Variants in NEK7 observed in about 807,000 individuals in gnomAD.
NEK7 encodes NIMA related kinase 7.
In NEK7, 18 loss-of-function variants were observed where a neutral mutation model predicts 44.6. The ratio of observed to expected loss-of-function variants is 0.40; its 90% CI spans 0.28 to 0.60. The LOEUF (loss-of-function observed/expected upper bound fraction) is 0.60. NEK7 is among the 20% of genes least tolerant of loss of function. The pLI is 0.38. For synonymous variants in NEK7, 130 were observed against 121.1 expected (o/e 1.07, Z -0.48); for missense variants, 256 against 366.5 (o/e 0.70, Z 2.46).
intron 1 of NEK7, among the ~76,000 whole-genome samples, chr1:198,204,725 A>G (rs1665541938): frequency 6.6e-6 from 1 of 151,698 alleles, no homozygotes; most frequent in South Asian, 2.1e-4. Context: ...CTCAAAAAAA[A>G]AAAAAAAAAA....
At chr1:198,191,270 A>G (rs1665064532) in intron 1 of NEK7, among the ~76,000 whole-genome samples, 1 of 152,072 alleles carries the variant, frequency 6.6e-6, no homozygotes. Context: ...TGTCCTTCAA[A>G]TATTTCTGCC....
rs202217975 is a variant in NEK7 at position 198,248,489 on chromosome 1, TC to T, written c.58-4550del. The stretch of plus-strand genomic sequence containing the variant: ...TCTCATAGCACAGTGAAGAGCCTCT[TC>T]TATGTATTTGGGTAAGCCGTTTGAG... On this transcript the variant is annotated intron_variant, in intron 2 of 9. Coordinates refer to ENST00000367385, the MANE Select transcript of NEK7 (RefSeq NM_133494.3). Among the ~76,000 whole-genome samples the T allele has an allele frequency of 5.6e-3, 857 of 152,306 alleles. 7 individuals are homozygous for T. The highest frequency in any genetic ancestry group is 0.019 in the African/African-American group (783 of 41,564).
chr1:198,277,006 T>C (rs1445198334), intron 5 of NEK7, among the ~76,000 whole-genome samples: 2 of 151,726 alleles, frequency 1.3e-5, no homozygotes, highest in African/African-American at 4.8e-5. Flanking sequence ...TGCATTAAAG[T>C]ACATATTTAA....
At chr1:198,302,780 C>A (rs917626288) in intron 9 of NEK7, among the ~76,000 whole-genome samples, 11 of 152,040 alleles carry the variant, frequency 7.2e-5, no homozygotes, top group Admixed American at 7.2e-4. Flanking sequence ...AGGGCAATGT[C>A]ATCATTCCCA....
At chr1:198,206,324 G>T (rs1665596837) in intron 1 of NEK7, among the ~76,000 whole-genome samples, 1 of 152,142 alleles carries the variant, frequency 6.6e-6, no homozygotes, top group African/African-American at 2.4e-5. Context: ...GTGATTGGCT[G>T]ATATGTGCTC....
chr1:198,190,360 TA>T (rs1665038727), intron 1 of NEK7, among the ~76,000 whole-genome samples: 1 of 152,060 alleles, frequency 6.6e-6, no homozygotes, highest in African/African-American at 2.4e-5. Flanking sequence ...ACACAACAAG[TA>T]AACCAACCTA....
At chr1:198,184,177 C>T (rs1664847622) in intron 1 of NEK7, among the ~76,000 whole-genome samples, 1 of 152,150 alleles carries the variant, frequency 6.6e-6, no homozygotes, top group South Asian at 2.1e-4. Flanking sequence ...ATATTAGCTA[C>T]CCTCGTAGTA....
chr1:198,278,964 A>G lies in NEK7; in HGVS notation c.492A>G (p.Pro164=), dbSNP rs752238845. Residue 164 remains proline, a synonymous_variant, in exon 7 of 10, where the codon CCA becomes CCG. Transcript: ENST00000367385. ...SRRVMHRDIK[P]ANVFITATGV... ...TTCATTTATTCACAGATATAAAACCAGCTAATGTGTTCATTACAGCCACTG... is the reference window on the plus strand; with the variant it reads ...TTCATTTATTCACAGATATAAAACCGGCTAATGTGTTCATTACAGCCACTG... 7 of 1,597,222 alleles carry G rather than the reference A, an allele frequency of 4.4e-6. No individual in the cohort carries two copies. In the Admixed American group the frequency reaches 1.2e-4, roughly 27 times the overall value.
intron 2 of NEK7, among the ~76,000 whole-genome samples, chr1:198,246,959 C>A (rs1666851312): frequency 6.6e-6 from 1 of 152,170 alleles, no homozygotes. Flanking sequence ...AAATCATAGA[C>A]AATTTAAAAC....
chr1:198,205,805 T>G (rs1004609248), intron 1 of NEK7, among the ~76,000 whole-genome samples: 8 of 152,090 alleles, frequency 5.3e-5, no homozygotes, highest in African/African-American at 1.9e-4. Context: ...AATAAAAAGA[T>G]AAGTAAAAAG....
intron 1 of NEK7, among the ~76,000 whole-genome samples, chr1:198,159,063 G>C (rs1229467157): frequency 6.6e-6 from 1 of 152,200 alleles, no homozygotes; most frequent in African/African-American, 2.4e-5. Flanking sequence ...GGAGGAAGGA[G>C]CCCGGGAGCC....
chr1:198,172,656 T>A (rs565056047), intron 1 of NEK7, among the ~76,000 whole-genome samples: 1 of 152,310 alleles, frequency 6.6e-6, no homozygotes, highest in South Asian at 2.1e-4. Flanking sequence ...ATATGAAAAT[T>A]GTATAGATTC....
At chr1:198,159,484 A>G (rs1664035417) in intron 1 of NEK7, among the ~76,000 whole-genome samples, 1 of 152,232 alleles carries the variant, frequency 6.6e-6, no homozygotes, top group Non-Finnish European at 1.5e-5. Flanking sequence ...TTTTACTCTG[A>G]AATTACCTGA....
intron 1 of NEK7, among the ~76,000 whole-genome samples, chr1:198,210,984 C>T (rs998763285): frequency 6.6e-6 from 1 of 151,722 alleles, no homozygotes; most frequent in Non-Finnish European, 1.5e-5. Context: ...GATCTCCTGA[C>T]CTCGTGATCC....
intron 8 of NEK7, among the ~76,000 whole-genome samples, chr1:198,296,154 TAGCGTGTTTC>T (rs1054100480): frequency 5.9e-5 from 9 of 152,168 alleles, no homozygotes; most frequent in African/African-American, 2.2e-4. Flanking sequence ...CAGCATGGAC[TAGCGTGTTTC>T]ACACACACTC....
intron 9 of NEK7, among the ~76,000 whole-genome samples, chr1:198,300,295 C>T (rs940504626): frequency 1.3e-5 from 2 of 152,088 alleles, no homozygotes; most frequent in Admixed American, 1.3e-4. Flanking sequence ...TCAAAAGGCC[C>T]GTCGTAAACT....
At chr1:198,311,635 T>A (rs1655187023) in intron 9 of NEK7, among the ~76,000 whole-genome samples, 1 of 151,992 alleles carries the variant, frequency 6.6e-6, no homozygotes, top group African/African-American at 2.4e-5. Flanking sequence ...TTATTGAGAG[T>A]TTTTAGCATG....
rs140181207 is a variant in NEK7, at chr1:198,210,741, C to CTTTTTTTTTT, written c.-28-21792_-28-21783dup. On this transcript the variant is annotated intron_variant, in intron 1 of 9. Coordinates refer to ENST00000367385, the MANE Select transcript of NEK7 (RefSeq NM_133494.3). The stretch of plus-strand genomic sequence containing the variant: ...GTCATTGTCCCTTCAATTTGTATTT[C>CTTTTTTTTTT]TTTTTTTTTTTTTTTTTTTTTTTTT... Among the ~76,000 whole-genome samples the CTTTTTTTTTT allele has an allele frequency of 1.2e-4, 7 of 57,542 alleles. 1 individual carries two copies. The highest frequency in any genetic ancestry group is 0.015 in the Middle Eastern group (1 of 66). The allele number at this position is 57,542 out of a possible 152,430, so 37.7% of individuals were successfully genotyped here. A position where few individuals can be genotyped will look rare whatever the true frequency, so the allele number is the denominator to read the frequency against.
At chr1:198,172,991 C>G (rs1664495171) in intron 1 of NEK7, among the ~76,000 whole-genome samples, 1 of 152,078 alleles carries the variant, frequency 6.6e-6, no homozygotes, top group Admixed American at 6.5e-5. Flanking sequence ...GTCTAATAGG[C>G]AATTGGTTAT....
Sources: allele counts gnomAD v4.1 joint callset (sites outside exome capture counted in the v4.1 genomes callset), GRCh38; gene constraint gnomAD v4.1.1; transcripts MANE v1.5; gene names NCBI Gene and HGNC (gene_info 2026-07-23, HGNC 2026-07-21).